Variants in AFP observed in about 807,000 individuals in gnomAD.
AFP encodes the protein alpha fetoprotein.
In AFP, 64 loss-of-function variants were observed where a neutral mutation model predicts 78.9. That is an observed-to-expected ratio of 0.81 (90% CI 0.66 to 1.00). AFP has a LOEUF of 1.00. Among genes scored for constraint, AFP ranks in the 50% least tolerant of loss-of-function variants. The probability of loss-of-function intolerance (pLI) is 0.00; values close to 1 mark genes in which losing one functional copy is unlikely to be tolerated. For synonymous variants in AFP, 254 were observed against 243.8 expected (o/e 1.04, Z -0.39); for missense variants, 689 against 703.8 (o/e 0.98, Z 0.24).
Position 73,447,598 on chromosome 4 carries a change from C to T in AFP, c.980C>T (p.Ser327Phe). The change falls in exon 8 of 15, where the codon TCT becomes TTT. Residue 327 changes from serine to phenylalanine, a missense_variant. Transcript: ENST00000395792. Reference protein sequence around the residue: ...AENDEKPEGLSPNLNRFLGDR... With the variant: ...AENDEKPEGLFPNLNRFLGDR... ...AATGATGAAAAACCTGAAGGTCTAT[C>T]TCCAAATCTAAACAGGTTTTTAGGA... is the stretch of plus-strand genomic sequence containing the variant. 2 of 1,612,258 alleles carry T rather than the reference C, an allele frequency of 1.2e-6. No individual in the cohort carries two copies. Among genetic ancestry groups the T allele is most frequent in the South Asian group, 2.2e-5 (2 of 90,974 alleles).
Position 73,453,756 on chromosome 4 carries a change from A to G in AFP, c.1653-9A>G. ...CTTCTCTTGTATTTTGTTTTGTTTT[A>G]AATCACAGGTTTCTCATTAACCTTG... On this transcript the variant is annotated splice_polypyrimidine_tract_variant and intron_variant, in intron 12 of 14. Transcript: ENST00000395792. The G allele has an allele frequency of 6.2e-7, 1 of 1,613,076 alleles. No individual in the cohort carries two copies. The highest frequency in any genetic ancestry group is 1.1e-5 in the South Asian group (1 of 91,040).
chr4:73,443,004 A>AT (rs1283708861), intron 5 of AFP, among the ~76,000 whole-genome samples: 10 of 152,138 alleles, frequency 6.6e-5, no homozygotes, highest in Admixed American at 4.6e-4. Context: ...ATACAATCGT[A>AT]TTTTTTGTAA....
At chr4:73,454,381 A>G (rs1471876777) in intron 13 of AFP, among the ~76,000 whole-genome samples, 2 of 152,082 alleles carry the variant, frequency 1.3e-5, no homozygotes, top group East Asian at 1.9e-4. Context: ...TAGCTGGATA[A>G]TTAGCCAGAT....
intron 14 of AFP, 116 bp from the exon 15 acceptor site, chr4:73,455,515 C>T: frequency 1.6e-6 from 1 of 645,046 alleles, no homozygotes; most frequent in Non-Finnish European, 2.7e-6. Context: ...TCAACAAATG[C>T]TATCAGAAGA....
chr4:73,448,864 A>G (rs1444920357), intron 8 of AFP, among the ~76,000 whole-genome samples: 2 of 152,120 alleles, frequency 1.3e-5, no homozygotes. Context: ...CACCTTGGGT[A>G]TCATCCTTTT....
intron 6 of AFP, 26 bp from the exon 7 acceptor site, chr4:73,444,967 A>G (rs746404068): frequency 1.3e-6 from 2 of 1,568,488 alleles, no homozygotes; most frequent in East Asian, 4.5e-5. Flanking sequence ...CAAGAAATTA[A>G]TTTCTAATTT....
intron 11 of AFP, among the ~76,000 whole-genome samples, chr4:73,451,308 C>A (rs1367248047): frequency 5.9e-5 from 9 of 152,090 alleles, no homozygotes; most frequent in African/African-American, 2.2e-4. Context: ...GTCAGTAATG[C>A]CAATATTCTT....
intron 12 of AFP, chr4:73,453,422 G>C: frequency 3.6e-6 from 1 of 276,980 alleles, no homozygotes; most frequent in South Asian, 4.2e-5. Context: ...AGGATTCGGA[G>C]ATCTGGGTCT....
chr4:73,452,523 G>C lies in AFP; in HGVS notation c.1551G>C (p.Val517=). ...NRRPCFSSLV[V]DETYVPPAFS... ...GGCCATGCTTCAGCAGCTTGGTGGT[G>C]GATGAAACATATGTCCCTCCTGCAT... is the stretch of plus-strand genomic sequence containing the variant. The change falls in exon 12 of 15, where the codon GTG becomes GTC. Residue 517 remains valine, a synonymous_variant. Coordinates refer to ENST00000395792, the MANE Select transcript of AFP (RefSeq NM_001134.3). 6.2e-7 allele frequency: 1 copy of C among 1,614,008 alleles called. No homozygotes were observed. The highest frequency in any genetic ancestry group is 1.1e-5 in the South Asian group (1 of 91,076).
chr4:73,455,504 T>C (rs568614651), intron 14 of AFP, 127 bp from the exon 15 acceptor site: 4 of 643,752 alleles, frequency 6.2e-6, no homozygotes, highest in African/African-American at 3.7e-5. Context: ...TTTAAAAGAC[T>C]TCAACAAATG....
At chr4:73,437,573 GCAAAC>G (rs959003193) in intron 2 of AFP, among the ~76,000 whole-genome samples, 44 of 152,160 alleles carry the variant, frequency 2.9e-4, no homozygotes, top group Admixed American at 2.6e-3. Context: ...AATCTTAGCA[GCAAAC>G]CATAGGTGAT....
Position 73,440,733 on chromosome 4 carries a change from A to G in AFP, c.402A>G (p.Ala134=). The G allele has an allele frequency of 6.2e-7, 1 of 1,614,186 alleles. No individual in the cohort carries two copies. ...CFLAHKKPTP[A]SIPLFQVPEP... is the part of the protein sequence containing the mutation. ...TTGCACACAAAAAGCCCACTCCAGC[A>G]TCGATCCCACTTTTCCAAGTTCCAG... The change falls in exon 4 of 15, where the codon GCA becomes GCG. Residue 134 remains alanine (A), a synonymous_variant. Coordinates refer to ENST00000395792, the MANE Select transcript of AFP (RefSeq NM_001134.3).
intron 8 of AFP, among the ~76,000 whole-genome samples, chr4:73,448,618 T>C (rs774565335): frequency 3.3e-5 from 5 of 152,176 alleles, no homozygotes; most frequent in Non-Finnish European, 7.4e-5. Context: ...AATCTGGGAA[T>C]ACGGTTAGTA....
chr4:73,443,154 G>A (rs573374749), intron 5 of AFP, among the ~76,000 whole-genome samples, 193 bp from the exon 6 acceptor site: 1 of 152,194 alleles, frequency 6.6e-6, no homozygotes, highest in Non-Finnish European at 1.5e-5. Context: ...TGGCACAGAT[G>A]CATATAAACT....
rs1273908659 is a variant in AFP, at chr4:73,449,968, C to T, written c.1192-68C>T. ...TTTTATAATAGTATATAATATTGAT[C>T]AATTTTATATACAAAGTTATGCATC... On this transcript the variant is annotated intron_variant, in intron 9 of 14. Coordinates refer to ENST00000395792, the MANE Select transcript of AFP (RefSeq NM_001134.3). The T allele has an allele frequency of 4.0e-6, 4 of 1,005,906 alleles. No individual in the cohort carries two copies. The African/African-American group carries it at 4.9e-5, about 12-fold the overall frequency. 62.3% of individuals were successfully genotyped at this position (1,005,906 alleles called of 1,614,324 possible).
intron 7 of AFP, 35 bp downstream of exon 7, chr4:73,445,157 C>T: frequency 6.2e-7 from 1 of 1,611,502 alleles, no homozygotes; most frequent in Non-Finnish European, 8.5e-7. Flanking sequence ...AGAAGATTTT[C>T]ACTCCCTTTT....
chr4:73,444,121 G>A (rs1417659252), intron 6 of AFP, among the ~76,000 whole-genome samples: 1 of 152,004 alleles, frequency 6.6e-6, no homozygotes, highest in East Asian at 1.9e-4. Context: ...TGTAGACAAT[G>A]GAAATCTAGA....
intron 1 of AFP, 70 bp from the exon 2 acceptor site, chr4:73,437,090 A>G (rs1719530053): frequency 8.7e-7 from 1 of 1,147,944 alleles, no homozygotes; most frequent in African/African-American, 1.5e-5. Flanking sequence ...ACAAACATTC[A>G]TATGTAACAA....
At chr4:73,445,702 A>G (rs1719800870) in intron 7 of AFP, among the ~76,000 whole-genome samples, 1 of 152,212 alleles carries the variant, frequency 6.6e-6, no homozygotes, top group Admixed American at 6.5e-5. Context: ...AAATTGCACA[A>G]GTAACTGTCC....
Sources: allele counts gnomAD v4.1 joint callset (sites outside exome capture counted in the v4.1 genomes callset), GRCh38; gene constraint gnomAD v4.1.1; transcripts MANE v1.5; gene names NCBI Gene and HGNC (gene_info 2026-07-23, HGNC 2026-07-21).